The following STAT4 variants were observed in gnomAD, a reference collection of about 807,000 sequenced individuals.
STAT4 encodes the protein signal transducer and activator of transcription 4.
A neutral mutation model predicts 110.5 loss-of-function variants in STAT4; 42 were observed. The ratio of observed to expected loss-of-function variants is 0.38; its 90% CI spans 0.30 to 0.49. The LOEUF (loss-of-function observed/expected upper bound fraction) is 0.49, where lower values mean the gene tolerates loss of function less well. STAT4 is among the 20% of genes least tolerant of loss of function. The pLI, the probability that STAT4 is intolerant of heterozygous loss-of-function variation, is 0.95. For synonymous variants in STAT4, 284 were observed against 302.2 expected, an observed-to-expected ratio of 0.94 and a Z score of 0.63; for missense variants, 632 against 887.9, an observed-to-expected ratio of 0.71 and a Z score of 3.66.
rs1699141559 is a variant in STAT4 at position 191,135,093 on chromosome 2, A to G, written c.273+11520T>C. On this transcript the variant is annotated intron_variant, in intron 3 of 23. Transcript: ENST00000392320. This position sits in a 1 kb window ranked among gnomAD's most constrained non-coding sequence, Gnocchi z 4.8. Reference sequence around the variant, plus strand: ...AGAATAAAATGGAGACTAAAAAAAGATACAAAGGATCAACAAAATGAAAAA... The same window carrying G: ...AGAATAAAATGGAGACTAAAAAAAGGTACAAAGGATCAACAAAATGAAAAA... Among the ~76,000 whole-genome samples the G allele has an allele frequency of 6.6e-6, 1 of 152,164 alleles. No individual in the cohort carries two copies. Among genetic ancestry groups the G allele is most frequent in the Non-Finnish European group, 1.5e-5 (1 of 68,026 alleles).
Position 191,039,322 on chromosome 2 carries a change from G to C in STAT4, c.1336-25C>G. The C allele has an allele frequency of 6.3e-7, 1 of 1,597,090 alleles. No individual in the cohort carries two copies. ...TCTGGTTTGGGGGGAAAAAAGCATAGTTATTACAGGTAGTCCCACCTTACA... is the reference window on the plus strand; with the variant it reads ...TCTGGTTTGGGGGGAAAAAAGCATACTTATTACAGGTAGTCCCACCTTACA... On this transcript the variant is annotated intron_variant, in intron 15 of 23. Coordinates refer to ENST00000392320, the MANE Select transcript of STAT4 (RefSeq NM_003151.4). This position sits in a 1 kb window ranked among gnomAD's most constrained non-coding sequence, Gnocchi z 4.7.
Position 191,032,877 on chromosome 2 carries a change from C to A in STAT4, c.2044+81G>T, listed in dbSNP as rs1695938837. 1.5e-6 allele frequency: 2 copies of A among 1,374,258 alleles called. No homozygotes were observed. The highest frequency in any genetic ancestry group is 2.0e-6 in the Non-Finnish European group (2 of 1,005,412). 85.1% of individuals were successfully genotyped at this position (1,374,258 alleles called of 1,614,324 possible). A position where few individuals can be genotyped will look rare whatever the true frequency, so the allele number is the denominator to read the frequency against. On this transcript the variant is annotated intron_variant, in intron 21 of 23. Coordinates refer to ENST00000392320, the MANE Select transcript of STAT4 (RefSeq NM_003151.4). This position sits in a 1 kb window ranked among gnomAD's most constrained non-coding sequence, Gnocchi z 4.9. ...AAATCAGAGTAAACAAGAAGGGGAA[C>A]TTCATTTACTTTGCTCCAATATGAG... is the stretch of plus-strand genomic sequence containing the variant.
rs1698588353 is a variant in STAT4 at position 191,116,945 on chromosome 2, A to G, written c.273+29668T>C. Among the ~76,000 whole-genome samples, 3 of 152,354 alleles carry G rather than the reference A, an allele frequency of 2.0e-5. No individual in the cohort carries two copies. The highest frequency in any genetic ancestry group is 7.2e-5 in the African/African-American group (3 of 41,582). ...CAAATATCCCTCCCGTTGGAGTGGC[A>G]AAGAATAATGAAATATACGTGAGAT... On this transcript the variant is annotated intron_variant, in intron 3 of 23. Transcript: ENST00000392320. This position sits in a 1 kb window ranked among gnomAD's most constrained non-coding sequence, Gnocchi z 4.1.
rs900584440 is a variant in STAT4, at chr2:191,031,823, T to C, written c.2045-307A>G. Among the ~76,000 whole-genome samples the C allele has an allele frequency of 6.6e-6, 1 of 152,216 alleles. No individual in the cohort carries two copies. Among genetic ancestry groups the C allele is most frequent in the Admixed American group, 6.5e-5 (1 of 15,274 alleles). On this transcript the variant is annotated intron_variant, in intron 21 of 23. Coordinates refer to ENST00000392320, the MANE Select transcript of STAT4 (RefSeq NM_003151.4). The surrounding 1 kb of genome is among the most constrained non-coding windows in gnomAD (Gnocchi z 4.8). ...CCTGTTTTCTACGTTTCATTTATGT[T>C]TGATTATAAGGACTGATTGAGTCAT...
At chr2:191,040,347 T>A (rs1696155459) in intron 15 of STAT4, among the ~76,000 whole-genome samples, 1 of 152,114 alleles carries the variant, frequency 6.6e-6, no homozygotes, top group African/African-American at 2.4e-5. Context: ...AGTTTTTATG[T>A]AAAGTTAAAT....
intron 3 of STAT4, among the ~76,000 whole-genome samples, chr2:191,087,913 C>CA (rs1009214900): frequency 6.6e-6 from 1 of 151,582 alleles, no homozygotes; most frequent in Admixed American, 6.6e-5. Flanking sequence ...AAAAATGTAC[C>CA]AAAAAATCTA....
chr2:191,031,491 G>C lies in STAT4; in HGVS notation c.2070C>G (p.Asp690Glu). The C allele has an allele frequency of 1.9e-6, 3 of 1,613,298 alleles. No homozygotes were observed. Among genetic ancestry groups the C allele is most frequent in the Non-Finnish European group, 1.7e-6 (2 of 1,179,596 alleles). ...CEVSRPTERG[D>E]KGYVPSVFIP... ...TAAAAACAGAAGGAACATAACCTTT[G>C]TCACCCCTTTCTGTTGGTCTTGAAA... is the stretch of plus-strand genomic sequence containing the variant. The change falls in exon 22 of 24, where the codon GAC (aspartate) becomes GAG (glutamate). Residue 690 changes from aspartate to glutamate, a missense_variant. Asp to Glu is a conservative substitution (Grantham distance 45). This residue lies in a region of STAT4 where 38 missense variants were observed against 33.2 expected (regional missense o/e 1.15). Coordinates refer to ENST00000392320, the MANE Select transcript of STAT4 (RefSeq NM_003151.4). The surrounding 1 kb of genome is among the most constrained non-coding windows in gnomAD (Gnocchi z 4.8).
At position 191,033,463 on chromosome 2, in the gene STAT4, C is replaced by T. The variant is rs1333743072; in HGVS notation, c.1852+27G>A. 7.0e-6 allele frequency: 11 copies of T among 1,582,038 alleles called. No individual in the cohort carries two copies. Among genetic ancestry groups the T allele is most frequent in the Middle Eastern group, 3.4e-4 (2 of 5,872 alleles). On this transcript the variant is annotated intron_variant, in intron 20 of 23. Transcript: ENST00000392320. The surrounding 1 kb of genome is among the most constrained non-coding windows in gnomAD (Gnocchi z 6.9). Reference sequence around the variant, plus strand: ...ACCAAATTTAAGAAAACTAATTTCACATGAATAAACATTAGTGAGTATATA... The same window carrying T: ...ACCAAATTTAAGAAAACTAATTTCATATGAATAAACATTAGTGAGTATATA...
chr2:191,120,175 T>TA (rs1273787400), intron 3 of STAT4, among the ~76,000 whole-genome samples: 1 of 152,130 alleles, frequency 6.6e-6, no homozygotes, highest in Non-Finnish European at 1.5e-5. Context: ...GGTAACATTT[T>TA]AAAAAATTGA....
chr2:191,039,385 T>TC lies in STAT4; in HGVS notation c.1336-89dup. The TC allele has an allele frequency of 1.8e-6, 2 of 1,135,822 alleles. No homozygotes were observed. The highest frequency in any genetic ancestry group is 2.7e-6 in the Non-Finnish European group (2 of 752,758). The allele number at this position is 1,135,822 out of a possible 1,614,324, so 70.4% of individuals were successfully genotyped here. A position where few individuals can be genotyped will look rare whatever the true frequency, so the allele number is the denominator to read the frequency against. ...TTGACCCTCGCCTCTAAAGGGCCAA[T>TC]CTCAAGCCAGCCCCACACCTCCAGT... On this transcript the variant is annotated intron_variant, in intron 15 of 23. Coordinates refer to ENST00000392320, the MANE Select transcript of STAT4 (RefSeq NM_003151.4). The surrounding 1 kb of genome is among the most constrained non-coding windows in gnomAD (Gnocchi z 4.7).
rs903372026 is a variant in STAT4, at chr2:191,107,728, T to C, written c.274-31403A>G. Among the ~76,000 whole-genome samples the C allele has an allele frequency of 2.6e-5, 4 of 152,202 alleles. No homozygotes were observed. The highest frequency in any genetic ancestry group is 4.4e-5 in the Non-Finnish European group (3 of 68,034). ...AGGCCAAGTGAAAACATTCAGGACA[T>C]AATTTATTTTTTCAACCCAGATTAC... is the stretch of plus-strand genomic sequence containing the variant. On this transcript the variant is annotated intron_variant, in intron 3 of 23. Coordinates refer to ENST00000392320, the MANE Select transcript of STAT4 (RefSeq NM_003151.4). The surrounding 1 kb of genome is among the most constrained non-coding windows in gnomAD (Gnocchi z 4.2).
chr2:191,076,064 G>T, intron 4 of STAT4, 163 bp downstream of exon 4: 1 of 585,680 alleles, frequency 1.7e-6, no homozygotes. Flanking sequence ...GCATTGGCCA[G>T]ACTGGTCTCA....
intron 3 of STAT4, among the ~76,000 whole-genome samples, chr2:191,076,526 A>G (rs974294058): frequency 1.3e-5 from 2 of 152,176 alleles, no homozygotes; most frequent in Non-Finnish European, 2.9e-5. Flanking sequence ...GAGCATATTT[A>G]TCTCTTTGTC....
Position 191,138,177 on chromosome 2 carries a change from C to T in STAT4, c.273+8436G>A, listed in dbSNP as rs866515042. 2.0e-5 allele frequency among the ~76,000 whole-genome samples: 3 copies of T among 151,946 alleles called. No homozygotes were observed. The highest frequency in any genetic ancestry group is 3.4e-3 in the Middle Eastern group (1 of 294). ...TATTCAACAGTAAAAACCAAATAAT[C>T]CCATTAAAAAGTGGGCAAAAATATG... is the stretch of plus-strand genomic sequence containing the variant. On this transcript the variant is annotated intron_variant, in intron 3 of 23. Transcript: ENST00000392320. The surrounding 1 kb of genome is among the most constrained non-coding windows in gnomAD (Gnocchi z 4.3).
chr2:191,052,784 T>C (rs1390807479), intron 14 of STAT4, among the ~76,000 whole-genome samples: 1 of 152,232 alleles, frequency 6.6e-6, no homozygotes, highest in East Asian at 1.9e-4. Context: ...TGAGCTTTTA[T>C]TTAAAATGTG....
At chr2:191,055,030 C>T (rs1341042691) in intron 13 of STAT4, among the ~76,000 whole-genome samples, 1 of 151,494 alleles carries the variant, frequency 6.6e-6, no homozygotes, top group African/African-American at 2.4e-5. Context: ...ATGTAGATTA[C>T]TGAATGAAAA....
rs754402611 is a variant in STAT4 at position 191,031,624 on chromosome 2, A to G, written c.2045-108T>C. The G allele has an allele frequency of 6.4e-5, 56 of 875,106 alleles. No homozygotes were observed. The highest frequency in any genetic ancestry group is 9.0e-5 in the Non-Finnish European group (50 of 555,854). 54.2% of individuals were successfully genotyped at this position (875,106 alleles called of 1,614,324 possible). On this transcript the variant is annotated intron_variant, in intron 21 of 23. Transcript: ENST00000392320. This position sits in a 1 kb window ranked among gnomAD's most constrained non-coding sequence, Gnocchi z 4.8. ...ATTAACAATGATAAGAGGAAGAGAG[A>G]TAACGCAGTTGTTCGGTGATACACA...
Position 191,033,808 on chromosome 2 carries a change from T to C in STAT4, c.1715+103A>G, listed in dbSNP as rs1275184342. ...ATAAGAAATTGCAACTATTTTTTTC[T>C]GTGGTACTAAACATGCTTAAGAGAA... On this transcript the variant is annotated intron_variant, in intron 19 of 23. Coordinates refer to ENST00000392320, the MANE Select transcript of STAT4 (RefSeq NM_003151.4). This position sits in a 1 kb window ranked among gnomAD's most constrained non-coding sequence, Gnocchi z 6.9. The C allele has an allele frequency of 3.7e-6, 5 of 1,342,570 alleles. No homozygotes were observed. The highest frequency in any genetic ancestry group is 5.1e-6 in the Non-Finnish European group (5 of 977,712). 83.2% of individuals were successfully genotyped at this position (1,342,570 alleles called of 1,614,324 possible). A position where few individuals can be genotyped will look rare whatever the true frequency, so the allele number is the denominator to read the frequency against.
At chr2:191,036,378 T>C in intron 16 of STAT4, 79 bp from the exon 17 acceptor site, 1 of 1,384,914 alleles carries the variant, frequency 7.2e-7, no homozygotes, top group Non-Finnish European at 1.0e-6. Flanking sequence ...GCAAGAGAGG[T>C]CTCCCCCTCT....
Sources: allele counts gnomAD v4.1 joint callset (sites outside exome capture counted in the v4.1 genomes callset), GRCh38; gene constraint gnomAD v4.1.1; regional missense constraint gnomAD v4.1.1; non-coding constraint Gnocchi (gnomAD v3.1); transcripts MANE v1.5; gene names NCBI Gene and HGNC (gene_info 2026-07-23, HGNC 2026-07-21).